The following BCL2L10 variants were observed in gnomAD, a reference collection of about 807,000 sequenced individuals.
The protein encoded by BCL2L10 is BCL2 like 10.
BCL2L10 carries 14 observed loss-of-function variants against 11.1 expected under a neutral mutation model. That is an observed-to-expected ratio of 1.26 (90% confidence interval 0.83 to 1.96). The LOEUF is 1.96. Ranked by LOEUF, BCL2L10 falls within the 30% of genes most tolerant of loss-of-function variation. The pLI, the probability that BCL2L10 is intolerant of heterozygous loss-of-function variation, is 0.00. For missense variants in BCL2L10, 309 were observed against 273.9 expected (o/e 1.13, Z -0.90); for synonymous variants, 154 against 133.4 (o/e 1.15, Z -1.07).
chr15:52,109,404 T>C lies in BCL2L10; in HGVS notation c.*444A>G, dbSNP rs2033014336. 1 of 153,570 alleles carries C rather than the reference T, an allele frequency of 6.5e-6. No individual in the cohort carries two copies. The highest frequency in any genetic ancestry group is 1.4e-5 in the Non-Finnish European group (1 of 69,014). 9.5% of individuals were successfully genotyped at this position (153,570 alleles called of 1,614,324 possible). ...TCAAAGAATTCCTTATAAGTGATTT[T>C]AACATTACATTCTTTGTTAAACTGG... On this transcript the variant is annotated 3_prime_UTR_variant, in exon 2 of 2. Transcript: ENST00000260442.
At position 52,112,664 on chromosome 15, in the gene BCL2L10, C is replaced by A. The variant is rs1009099090; in HGVS notation, c.63G>T (p.Leu21=). 10 of 1,551,282 alleles carry A rather than the reference C, an allele frequency of 6.4e-6. No individual in the cohort carries two copies. Among genetic ancestry groups the A allele is most frequent in the Non-Finnish European group, 8.7e-6 (10 of 1,155,728 alleles). The change falls in exon 1 of 2, where the codon CTG becomes CTT. Residue 21 remains leucine, a synonymous_variant. Coordinates refer to ENST00000260442, the MANE Select transcript of BCL2L10 (RefSeq NM_020396.4). ...MADPLRERTE[L]LLADYLGYCA... ...AGTACCCCAGGTAGTCGGCCAGCAA[C>A]AGCTCGGTGCGCTCCCGCAGCGGGT...
At position 52,110,875 on chromosome 15, in the gene BCL2L10, T is replaced by C. The variant is rs1050002468; in HGVS notation, c.490-902A>G. Reference sequence around the variant, plus strand: ...GAGAGCCCGGAGGGGCCAGATGCCGTATTGAGACAGGGCTCAGGTGAGGCT... The same window carrying C: ...GAGAGCCCGGAGGGGCCAGATGCCGCATTGAGACAGGGCTCAGGTGAGGCT... On this transcript the variant is annotated intron_variant, in intron 1 of 1. Coordinates refer to ENST00000260442, the MANE Select transcript of BCL2L10 (RefSeq NM_020396.4). Among the ~76,000 whole-genome samples, 7 of 152,284 alleles carry C rather than the reference T, an allele frequency of 4.6e-5. No individual in the cohort carries two copies. In the East Asian group the frequency reaches 1.4e-3, roughly 29 times the overall value.
At position 52,112,273 on chromosome 15, in the gene BCL2L10, G is replaced by T; in HGVS notation, c.454C>A (p.Gln152Lys). 6.5e-7 allele frequency: 1 copy of T among 1,542,650 alleles called. No homozygotes were observed. The highest frequency in any genetic ancestry group is 8.7e-7 in the Non-Finnish European group (1 of 1,150,676). ...TGAGCCTGCAGCCAGGCGCGGTGCTGCCCCATGAGCCGCGAGCTCAGCAAG... is the reference window on the plus strand; with the variant it reads ...TGAGCCTGCAGCCAGGCGCGGTGCTTCCCCATGAGCCGCGAGCTCAGCAAG... ...VALLSSRLMG[Q>K]HRAWLQAQGG... The change falls in exon 1 of 2, where the codon CAG (glutamine) becomes AAG (lysine). Residue 152 changes from glutamine (Q) to lysine (K), a missense_variant. Transcript: ENST00000260442.
rs2033020186 is a variant in BCL2L10, at chr15:52,109,706, A to T, written c.*142T>A. The T allele has an allele frequency of 1.7e-6, 2 of 1,152,298 alleles. No individual in the cohort carries two copies. The highest frequency in any genetic ancestry group is 2.4e-6 in the Non-Finnish European group (2 of 826,078). The allele number at this position is 1,152,298 out of a possible 1,614,324, so 71.4% of individuals were successfully genotyped here. A position where few individuals can be genotyped will look rare whatever the true frequency, so the allele number is the denominator to read the frequency against. On this transcript the variant is annotated 3_prime_UTR_variant, in exon 2 of 2. Coordinates refer to ENST00000260442, the MANE Select transcript of BCL2L10 (RefSeq NM_020396.4). The stretch of plus-strand genomic sequence containing the variant: ...CACAAGTTAAAACACTGGCCAAATC[A>T]CCACCTCAGGACTCCTTGTATGCAT...
In BCL2L10 at chr15:52,111,173, A is replaced by AACACACACACACACACACACACACAC. The variant is rs71130130; in HGVS notation, c.489+1039_489+1064dup. On this transcript the variant is annotated intron_variant, in intron 1 of 1. Coordinates refer to ENST00000260442, the MANE Select transcript of BCL2L10 (RefSeq NM_020396.4). Reference sequence around the variant, plus strand: ...ATGGTGAAAGCCCATCTCTACTGAAAACACACACACACACACACACACACA... The same window carrying AACACACACACACACACACACACACAC: ...ATGGTGAAAGCCCATCTCTACTGAAAACACACACACACACACACACACACACACACACACACACACACACACACACA... Among the ~76,000 whole-genome samples, 518 of 121,762 alleles carry AACACACACACACACACACACACACAC rather than the reference A, an allele frequency of 4.3e-3. 7 individuals carry two copies. The highest frequency in any genetic ancestry group is 6.9e-3 in the Admixed American group (80 of 11,566). The allele number at this position is 121,762 out of a possible 152,430, so 79.9% of individuals were successfully genotyped here. A position where few individuals can be genotyped will look rare whatever the true frequency, so the allele number is the denominator to read the frequency against.
rs77272195 is a variant in BCL2L10 at position 52,110,897 on chromosome 15, G to C, written c.490-924C>G. 4.7e-3 allele frequency among the ~76,000 whole-genome samples: 722 copies of C among 152,298 alleles called. 17 individuals carry two copies. Among genetic ancestry groups the C allele is most frequent in the East Asian group, 0.024 (127 of 5,186 alleles). ...CCGTATTGAGACAGGGCTCAGGTGA[G>C]GCTCTTAGGCACGCAGCTGAAGGGA... On this transcript the variant is annotated intron_variant, in intron 1 of 1. Transcript: ENST00000260442.
chr15:52,112,417 C>T lies in BCL2L10; in HGVS notation c.310G>A (p.Ala104Thr). 1.2e-6 allele frequency: 2 copies of T among 1,607,314 alleles called. No individual in the cohort carries two copies. Among genetic ancestry groups the T allele is most frequent in the Non-Finnish European group, 1.7e-6 (2 of 1,179,578 alleles). Residue 104 changes from alanine (A) to threonine (T), a missense_variant, in exon 1 of 2, where the codon GCA becomes ACA. Physicochemically the swap from Ala to Thr is moderately conservative, Grantham distance 58. Coordinates refer to ENST00000260442, the MANE Select transcript of BCL2L10 (RefSeq NM_020396.4). The stretch of plus-strand genomic sequence containing the variant: ...GGCCCTCTCTCCAGCAGCGTCCCTG[C>T]GAAGGTCACGAGCGTCACCACTCTG... ...WGRVVTLVTF[A>T]GTLLERGPLV... is the part of the protein sequence containing the mutation.
In BCL2L10 at chr15:52,112,748, C is replaced by T; in HGVS notation, c.-22G>A. 1 of 1,506,180 alleles carries T rather than the reference C, an allele frequency of 6.6e-7. No homozygotes were observed. Among genetic ancestry groups the T allele is most frequent in the African/African-American group, 1.5e-5 (1 of 67,992 alleles). 93.3% of individuals were successfully genotyped at this position (1,506,180 alleles called of 1,614,324 possible). A position where few individuals can be genotyped will look rare whatever the true frequency, so the allele number is the denominator to read the frequency against. On this transcript the variant is annotated 5_prime_UTR_variant, in exon 1 of 2. Coordinates refer to ENST00000260442, the MANE Select transcript of BCL2L10 (RefSeq NM_020396.4). ...CCATGGTCCGGCCTCTGCTGGGGGG[C>T]CGGGCCTTCGCTGGTTTTCTTGGCC...
intron 1 of BCL2L10, 60 bp downstream of exon 1, chr15:52,112,178 T>A: frequency 2.1e-6 from 3 of 1,421,780 alleles, no homozygotes; most frequent in Non-Finnish European, 2.7e-6. Context: ...CGTGCCAGCC[T>A]CGTGGGCGCT....
At chr15:52,112,032 G>T in intron 1 of BCL2L10, 1 of 1,056,716 alleles carries the variant, frequency 9.5e-7, no homozygotes, top group South Asian at 2.1e-5. Flanking sequence ...CGTCTAAGAA[G>T]GCCGATTTCT....
intron 1 of BCL2L10, 52 bp from the exon 2 acceptor site, chr15:52,110,025 A>C (rs1313482088): frequency 6.6e-7 from 1 of 1,506,194 alleles, no homozygotes; most frequent in East Asian, 2.3e-5. Context: ...TGAGAACCTC[A>C]CTCAAAACAC....
chr15:52,112,154 G>A (rs2033065370), intron 1 of BCL2L10, 84 bp downstream of exon 1: 1 of 1,399,862 alleles, frequency 7.1e-7, no homozygotes, highest in Non-Finnish European at 9.2e-7. Flanking sequence ...GGCCTGGCGC[G>A]GTGGGTTCCT....
chr15:52,110,165 T>C (rs1281775804), intron 1 of BCL2L10, among the ~76,000 whole-genome samples, 192 bp from the exon 2 acceptor site: 1 of 152,058 alleles, frequency 6.6e-6, no homozygotes, highest in African/African-American at 2.4e-5. Flanking sequence ...TCTAACAGAG[T>C]GAACAGAAGC....
At chr15:52,110,536 C>T (rs896687964) in intron 1 of BCL2L10, among the ~76,000 whole-genome samples, 3 of 152,014 alleles carry the variant, frequency 2.0e-5, no homozygotes, top group African/African-American at 4.8e-5. Flanking sequence ...TGGGTTCAAG[C>T]GATTCTCCTG....
Position 52,112,505 on chromosome 15 carries a change from G to A in BCL2L10, c.222C>T (p.Arg74=), listed in dbSNP as rs1186869287. The A allele has an allele frequency of 1.9e-6, 3 of 1,600,006 alleles. No homozygotes were observed. The highest frequency in any genetic ancestry group is 2.5e-6 in the Non-Finnish European group (3 of 1,177,698). The part of the protein sequence containing the change: ...FSAYLGYPGN[R]FELVALMADS... ...CCGCCATCAGCGCCACCAGCTCGAAGCGGTTCCCGGGGTAGCCGAGGTAGG... is the reference window on the plus strand; with the variant it reads ...CCGCCATCAGCGCCACCAGCTCGAAACGGTTCCCGGGGTAGCCGAGGTAGG... The change falls in exon 1 of 2, where the codon CGC becomes CGT. Residue 74 remains arginine (R), a synonymous_variant. Transcript: ENST00000260442.
intron 1 of BCL2L10, 62 bp downstream of exon 1, chr15:52,112,176 C>A: frequency 1.4e-6 from 2 of 1,419,304 alleles, no homozygotes; most frequent in Admixed American, 2.9e-5. Flanking sequence ...ACCGTGCCAG[C>A]CTCGTGGGCG....
At chr15:52,111,026 A>C (rs1489348157) in intron 1 of BCL2L10, among the ~76,000 whole-genome samples, 4 of 151,986 alleles carry the variant, frequency 2.6e-5, no homozygotes, top group Non-Finnish European at 4.4e-5. Context: ...GATAGAACCC[A>C]ACTTGTCACT....
Position 52,112,682 on chromosome 15 carries a change from C to T in BCL2L10, c.45G>A (p.Leu15=). The change falls in exon 1 of 2, where the codon CTG becomes CTA. Residue 15 remains leucine, a synonymous_variant. Transcript: ENST00000260442. ...CCAGCAACAGCTCGGTGCGCTCCCG[C>T]AGCGGGTCGGCCATGGTGGTGCGCT... ...LRERTTMADP[L]RERTELLLAD... 6.5e-7 allele frequency: 1 copy of T among 1,541,126 alleles called. No homozygotes were observed. The highest frequency in any genetic ancestry group is 1.4e-5 in the African/African-American group (1 of 72,584).
At chr15:52,111,507 G>A (rs12901354) in intron 1 of BCL2L10, among the ~76,000 whole-genome samples, 23,022 of 152,160 alleles carry the variant, frequency 0.15, 2,133 homozygotes, top group Admixed American at 0.25. Context: ...CGCCAATAAG[G>A]TGGTGGGGAA....
Sources: gnomAD v4.1 joint callset for allele counts (sites outside exome capture counted in the v4.1 genomes callset) on GRCh38, gnomAD v4.1.1 for gene constraint, MANE v1.5 for transcripts, NCBI Gene and HGNC (gene_info 2026-07-23, HGNC 2026-07-21) for gene names.